Variants in CDIN1 observed in about 807,000 individuals in gnomAD.
CDIN1 encodes the protein CDAN1-interacting nuclease 1.
In CDIN1, 33 loss-of-function variants were observed where a neutral mutation model predicts 45.3. That is an observed-to-expected ratio of 0.73 (90% CI 0.55 to 0.97). The LOEUF (loss-of-function observed/expected upper bound fraction) is 0.97. Among genes scored for constraint, CDIN1 ranks in the 50% least tolerant of loss-of-function variants. The pLI, the probability that CDIN1 is intolerant of heterozygous loss-of-function variation, is 0.00. For synonymous variants in CDIN1, 118 were observed against 124.4 expected (o/e 0.95, Z 0.34); for missense variants, 303 against 339.4 (o/e 0.89, Z 0.84).
chr15:36,714,119 T>C (rs1036855958), intron 10 of CDIN1, among the ~76,000 whole-genome samples: 1 of 152,196 alleles, frequency 6.6e-6, no homozygotes, highest in African/African-American at 2.4e-5. Context: ...CTTTGAGAAT[T>C]CAACTCGAAG....
chr15:36,745,680 A>G (rs1271126144), intron 10 of CDIN1, among the ~76,000 whole-genome samples: 1 of 152,150 alleles, frequency 6.6e-6, no homozygotes, highest in Non-Finnish European at 1.5e-5. Context: ...AATATTACTT[A>G]TGAGGCCGGG....
intron 10 of CDIN1, among the ~76,000 whole-genome samples, chr15:36,781,698 G>A (rs1367545945): frequency 6.6e-6 from 1 of 152,190 alleles, no homozygotes; most frequent in Non-Finnish European, 1.5e-5. Context: ...TCAAGACTAT[G>A]GCACAGAGGC....
Position 36,594,947 on chromosome 15 carries a change from C to G in CDIN1, c.101+14986C>G, listed in dbSNP as rs182978551. 4,775 of 976,572 alleles carry G rather than the reference C, an allele frequency of 4.9e-3. 13 individuals carry two copies. Among genetic ancestry groups the G allele is most frequent in the Non-Finnish European group, 5.5e-3 (4,530 of 821,640 alleles). 60.5% of individuals were successfully genotyped at this position (976,572 alleles called of 1,614,324 possible). The stretch of plus-strand genomic sequence containing the variant: ...AGTTCATCTGTTTTTATGAAGTTTA[C>G]TGTTTCTGAGTAAAAGGTATGACTG... On this transcript the variant is annotated intron_variant, in intron 1 of 10. Coordinates refer to ENST00000566621, the MANE Select transcript of CDIN1 (RefSeq NM_001321759.2).
chr15:36,800,311 A>G (rs1453267148), intron 10 of CDIN1, among the ~76,000 whole-genome samples: 1 of 152,192 alleles, frequency 6.6e-6, no homozygotes, highest in African/African-American at 2.4e-5. Context: ...TGGCAAGGTA[A>G]GAAAAAGTAG....
chr15:36,637,284 A>G (rs994530488), intron 1 of CDIN1, among the ~76,000 whole-genome samples: 4 of 152,272 alleles, frequency 2.6e-5, no homozygotes, highest in African/African-American at 9.6e-5. Flanking sequence ...AGCCGAAACT[A>G]TTAATCTTCT....
At chr15:36,685,526 A>C (rs1023101318) in intron 5 of CDIN1, among the ~76,000 whole-genome samples, 2 of 152,172 alleles carry the variant, frequency 1.3e-5, no homozygotes, top group Non-Finnish European at 2.9e-5. Context: ...AAAACACCAA[A>C]AGCAATGGCA....
At chr15:36,678,119 T>C (rs567891735) in intron 5 of CDIN1, among the ~76,000 whole-genome samples, 1 of 152,350 alleles carries the variant, frequency 6.6e-6, no homozygotes, top group Admixed American at 6.5e-5. Context: ...TTCCCTAATG[T>C]TAAAAGATAT....
Position 36,611,551 on chromosome 15 carries a change from A to G in CDIN1, c.101+31590A>G, listed in dbSNP as rs574219671. 3.9e-5 allele frequency among the ~76,000 whole-genome samples: 6 copies of G among 152,324 alleles called. No individual in the cohort carries two copies. The South Asian group carries it at 1.0e-3, about 26-fold the overall frequency. ...ATGGGTTGGTTGAGTGAATCTAGGT[A>G]TACCTGCATCTCTTTTGAGATGAAA... On this transcript the variant is annotated intron_variant, in intron 1 of 10. Coordinates refer to ENST00000566621, the MANE Select transcript of CDIN1 (RefSeq NM_001321759.2).
At chr15:36,617,080 G>C (rs1486418856) in intron 1 of CDIN1, 2 of 788,576 alleles carry the variant, frequency 2.5e-6, no homozygotes, top group Admixed American at 1.7e-5. Flanking sequence ...GGGCCGAGCA[G>C]AGGACGACAT....
At chr15:36,726,675 G>C (rs1309862291) in intron 10 of CDIN1, among the ~76,000 whole-genome samples, 1 of 152,132 alleles carries the variant, frequency 6.6e-6, no homozygotes, top group East Asian at 1.9e-4. Context: ...ATAGTTTCTT[G>C]TTTCTAACCA....
intron 1 of CDIN1, chr15:36,613,809 A>G (rs1046374906): frequency 2.5e-6 from 4 of 1,603,504 alleles, no homozygotes; most frequent in Non-Finnish European, 3.4e-6. Context: ...ATCCAACCCA[A>G]AGAAGCTAAG....
chr15:36,735,741 T>G (rs1595535644), intron 10 of CDIN1, among the ~76,000 whole-genome samples: 1 of 152,322 alleles, frequency 6.6e-6, no homozygotes, highest in African/African-American at 2.4e-5. Flanking sequence ...TATGTGATCT[T>G]AATATATACT....
chr15:36,645,575 G>T, intron 3 of CDIN1, among the ~76,000 whole-genome samples: 1 of 150,978 alleles, frequency 6.6e-6, no homozygotes, highest in Non-Finnish European at 1.5e-5. Flanking sequence ...TGAAATCTCA[G>T]TTGGCTACTT....
intron 1 of CDIN1, among the ~76,000 whole-genome samples, chr15:36,604,818 G>C (rs2140247299): frequency 6.6e-6 from 1 of 152,210 alleles, no homozygotes; most frequent in South Asian, 2.1e-4. Flanking sequence ...GATTTACCAA[G>C]CACAATATCT....
At chr15:36,590,498 C>T (rs530428504) in intron 1 of CDIN1, among the ~76,000 whole-genome samples, 32 of 152,096 alleles carry the variant, frequency 2.1e-4, no homozygotes, top group Admixed American at 7.2e-4. Context: ...TTTCCCTGAC[C>T]AAACACCGGC....
intron 1 of CDIN1, among the ~76,000 whole-genome samples, chr15:36,615,414 A>C (rs186168737): frequency 6.6e-6 from 1 of 152,324 alleles, no homozygotes; most frequent in East Asian, 1.9e-4. Context: ...TCAATAGTGC[A>C]ACTGTTTTGA....
intron 4 of CDIN1, 117 bp downstream of exon 4, chr15:36,654,275 A>G: frequency 1.3e-6 from 1 of 744,176 alleles, no homozygotes; most frequent in South Asian, 1.9e-5. Context: ...GAGGTGCATT[A>G]GACATTTAAA....
intron 5 of CDIN1, among the ~76,000 whole-genome samples, chr15:36,678,832 C>T (rs946473692): frequency 1.3e-5 from 2 of 152,166 alleles, no homozygotes; most frequent in African/African-American, 2.4e-5. Context: ...ATCTTGAGAG[C>T]GCAGATGTTT....
chr15:36,682,150 A>T (rs1252660738), intron 5 of CDIN1, among the ~76,000 whole-genome samples: 2 of 152,010 alleles, frequency 1.3e-5, no homozygotes, highest in African/African-American at 4.8e-5. Context: ...ACAGTTGACA[A>T]GCTGGAGACC....
Sources: allele counts gnomAD v4.1 joint callset (sites outside exome capture counted in the v4.1 genomes callset), GRCh38; gene constraint gnomAD v4.1.1; transcripts MANE v1.5; gene names NCBI Gene and HGNC (gene_info 2026-07-23, HGNC 2026-07-21).